The following RANBP2 variants were observed in gnomAD, a reference collection of about 807,000 sequenced individuals.
RANBP2 encodes RAN binding protein 2.
In RANBP2, 57 loss-of-function variants were observed where a neutral mutation model predicts 303.6. That is an observed-to-expected ratio of 0.19 (90% confidence interval 0.15 to 0.23). The LOEUF is 0.23. Ranked by LOEUF, RANBP2 falls within the 10% of genes least tolerant of loss-of-function variation. The pLI, the probability that RANBP2 is intolerant of heterozygous loss-of-function variation, is 1.00. For missense variants in RANBP2, 3,138 were observed against 3,780.8 expected, an observed-to-expected ratio of 0.83 and a Z score of 4.46; for synonymous variants, 1,167 against 1,301.5, an observed-to-expected ratio of 0.90 and a Z score of 2.23.
the RANBP2 span, among the ~76,000 whole-genome samples, chr2:108,902,795 A>G: frequency 6.6e-6 from 1 of 152,250 alleles, no homozygotes; most frequent in African/African-American, 2.4e-5. Flanking sequence ...AGCTAATATT[A>G]TACTTAATGG....
chr2:108,900,789 GA>G, the RANBP2 span, among the ~76,000 whole-genome samples: 1 of 152,154 alleles, frequency 6.6e-6, no homozygotes, highest in East Asian at 1.9e-4. Flanking sequence ...GACTTCAGAG[GA>G]AAAAATTACC....
At chr2:109,548,319 ATCTG>A in the RANBP2 span, among the ~76,000 whole-genome samples, 1 of 152,180 alleles carries the variant, frequency 6.6e-6, no homozygotes, top group African/African-American at 2.4e-5. Flanking sequence ...GGTTAGGTAA[ATCTG>A]ACATTAACAT....
At chr2:109,048,491 A>G in the RANBP2 span, among the ~76,000 whole-genome samples, 1 of 152,098 alleles carries the variant, frequency 6.6e-6, no homozygotes, top group African/African-American at 2.4e-5. Context: ...CAACCTATTG[A>G]CCTTTCCTGG....
At chr2:109,203,885 G>GC in the RANBP2 span, among the ~76,000 whole-genome samples, 1 of 152,228 alleles carries the variant, frequency 6.6e-6, no homozygotes, top group Admixed American at 6.5e-5. Context: ...TCCCTGTGCG[G>GC]CCTGGCAGCC....
At chr2:108,872,252 C>T in the RANBP2 span, among the ~76,000 whole-genome samples, 1 of 152,116 alleles carries the variant, frequency 6.6e-6, no homozygotes, top group Non-Finnish European at 1.5e-5. Flanking sequence ...CCATAGCATC[C>T]TGCCATTGGT....
chr2:109,130,261 T>G, the RANBP2 span: 2 of 820,480 alleles, frequency 2.4e-6, no homozygotes, highest in Non-Finnish European at 3.3e-6. Context: ...CCAACTTCGC[T>G]TGCTTGGTGG....
the RANBP2 span, among the ~76,000 whole-genome samples, chr2:109,401,632 G>A: frequency 6.6e-6 from 1 of 152,226 alleles, no homozygotes; most frequent in Non-Finnish European, 1.5e-5. Context: ...CAAAGCTGCT[G>A]CTGTGTCCCA....
chr2:109,532,201 C>T, the RANBP2 span, among the ~76,000 whole-genome samples: 1 of 152,332 alleles, frequency 6.6e-6, no homozygotes, highest in Non-Finnish European at 1.5e-5. Context: ...TGGGCCCTCC[C>T]AGGAGGTGTG....
At chr2:109,298,707 C>A in the RANBP2 span, among the ~76,000 whole-genome samples, 2 of 152,146 alleles carry the variant, frequency 1.3e-5, no homozygotes, top group Non-Finnish European at 2.9e-5. Flanking sequence ...TCCGTTTCCC[C>A]ACACTGACAT....
At chr2:109,015,353 G>A in the RANBP2 span, among the ~76,000 whole-genome samples, 1 of 152,050 alleles carries the variant, frequency 6.6e-6, no homozygotes, top group Non-Finnish European at 1.5e-5. Flanking sequence ...AGATGTTGAG[G>A]ATGAAGTCCT....
At chr2:109,267,644 C>T in the RANBP2 span, among the ~76,000 whole-genome samples, 3 of 152,206 alleles carry the variant, frequency 2.0e-5, 1 homozygote, top group South Asian at 6.2e-4. Context: ...GGAGCCACTC[C>T]CAGCTGCCAC....
chr2:108,784,821 AC>A lies in RANBP2; in HGVS notation c.*921del, dbSNP rs1231996468. 2 of 135,754 alleles carry A rather than the reference AC, an allele frequency of 1.5e-5. No homozygotes were observed. Among genetic ancestry groups the A allele is most frequent in the East Asian group, 1.9e-4 (1 of 5,138 alleles). 8.4% of individuals were successfully genotyped at this position (135,754 alleles called of 1,614,324 possible). A position where few individuals can be genotyped will look rare whatever the true frequency, so the allele number is the denominator to read the frequency against. On this transcript the variant is annotated 3_prime_UTR_variant, in exon 29 of 29. Coordinates refer to ENST00000283195, the MANE Select transcript of RANBP2 (RefSeq NM_006267.5). ...CTGACATCCAAAAAATTCATTACTT[AC>A]GCTTCGGGTTCATTCTAAAGTAAGG...
chr2:108,755,332 T>C, intron 17 of RANBP2, 73 bp downstream of exon 17: 12 of 1,606,830 alleles, frequency 7.5e-6, no homozygotes, highest in Non-Finnish European at 1.0e-5. Flanking sequence ...TCACTTTTTT[T>C]CTGAAGCTGG....
the RANBP2 span, among the ~76,000 whole-genome samples, chr2:109,683,217 G>A: frequency 1.3e-5 from 2 of 152,122 alleles, no homozygotes; most frequent in Non-Finnish European, 2.9e-5. Context: ...TATTGGCCAG[G>A]CTGGTCTCGA....
At chr2:109,246,280 C>T in the RANBP2 span, among the ~76,000 whole-genome samples, 1 of 152,226 alleles carries the variant, frequency 6.6e-6, no homozygotes, top group East Asian at 1.9e-4. Context: ...GATCAAGGCA[C>T]TGGCAGATTC....
chr2:108,954,478 T>A, the RANBP2 span, among the ~76,000 whole-genome samples: 1 of 152,132 alleles, frequency 6.6e-6, no homozygotes, highest in Non-Finnish European at 1.5e-5. Context: ...CCTGAAACTA[T>A]CCTTGGAAAA....
the RANBP2 span, among the ~76,000 whole-genome samples, chr2:109,424,590 CTTA>C: frequency 6.6e-6 from 1 of 152,172 alleles, no homozygotes; most frequent in African/African-American, 2.4e-5. Context: ...TTCGGTAATT[CTTA>C]TAATATTTCA....
the RANBP2 span, among the ~76,000 whole-genome samples, chr2:109,360,631 T>C: frequency 1.3e-5 from 2 of 152,232 alleles, no homozygotes; most frequent in South Asian, 2.1e-4. Context: ...ACTCAGCCTG[T>C]ATATAGGAAA....
chr2:108,919,436 G>A, the RANBP2 span, among the ~76,000 whole-genome samples: 1 of 152,112 alleles, frequency 6.6e-6, no homozygotes, highest in South Asian at 2.1e-4. Flanking sequence ...TCAGTTCACC[G>A]CAACCTCCAT....
Sources: gnomAD v4.1 joint callset for allele counts (sites outside exome capture counted in the v4.1 genomes callset) on GRCh38, gnomAD v4.1.1 for gene constraint, MANE v1.5 for transcripts, NCBI Gene and HGNC (gene_info 2026-07-23, HGNC 2026-07-21) for gene names.